LMNA: variants seen among roughly 807,000 people sequenced by gnomAD.
The protein encoded by LMNA is lamin.
A neutral mutation model predicts 70.4 loss-of-function variants in LMNA; 20 were observed. That is an observed-to-expected ratio of 0.28 (90% CI 0.20 to 0.41). The LOEUF is 0.41. LMNA is among the 10% of genes least tolerant of loss of function. The pLI is 1.00. For missense variants in LMNA, 652 were observed against 917.2 expected, an observed-to-expected ratio of 0.71 and a Z score of 3.73; for synonymous variants, 339 against 372.8, an observed-to-expected ratio of 0.91 and a Z score of 1.04.
intron 1 of LMNA, chr1:156,126,441 C>T: frequency 1.6e-6 from 1 of 622,786 alleles, no homozygotes; most frequent in Non-Finnish European, 2.9e-6. Flanking sequence ...GTGGCCGGCC[C>T]TGGCTTCCAT....
At chr1:156,129,908 G>C (rs768311447) in intron 1 of LMNA, 1 of 764,998 alleles carries the variant, frequency 1.3e-6, no homozygotes, top group South Asian at 1.4e-5. Flanking sequence ...ATGGTAGATG[G>C]GTAGGGCTCA....
At chr1:156,099,396 G>C (rs1649059433) in intron 3 of LMNA, among the ~76,000 whole-genome samples, 2 of 152,130 alleles carry the variant, frequency 1.3e-5, no homozygotes, top group Admixed American at 6.5e-5. Context: ...TAGGTCTCTA[G>C]GGTTTGAATC....
rs1426425625 is a variant in LMNA at position 156,114,945 on chromosome 1, C to T, written c.27C>T (p.Ala9=). The part of the protein sequence containing the change: METPSQRR[A]TRSGAQASST... ...TGGAGACCCCGTCCCAGCGGCGCGC[C>T]ACCCGCAGCGGGGCGCAGGCCAGCT... is the stretch of plus-strand genomic sequence containing the variant. Residue 9 remains alanine (A), a synonymous_variant, in exon 1 of 12, where the codon GCC becomes GCT. Coordinates refer to ENST00000368300, the MANE Select transcript of LMNA (RefSeq NM_170707.4). 1.3e-6 allele frequency: 2 copies of T among 1,569,046 alleles called. No homozygotes were observed. Among genetic ancestry groups the T allele is most frequent in the Non-Finnish European group, 1.7e-6 (2 of 1,156,952 alleles).
At chr1:156,102,759 G>C (rs1478651239) in intron 3 of LMNA, among the ~76,000 whole-genome samples, 1 of 152,186 alleles carries the variant, frequency 6.6e-6, no homozygotes, top group Non-Finnish European at 1.5e-5. Context: ...AGGAAAGGGG[G>C]GCCATGGGGA....
At position 156,138,697 on chromosome 1, in the gene LMNA, C is replaced by T. The variant is rs80356814; in HGVS notation, c.1908C>T (p.Ser636=). The change falls in exon 11 of 12, where the codon AGC becomes AGT. Residue 636 remains serine, a synonymous_variant. Transcript: ENST00000368300. This position sits in a 1 kb window ranked among gnomAD's most constrained non-coding sequence, Gnocchi z 5.5. ...YRSVGGSGGG[S]FGDNLVTRSY... ...GTGTGGGGGGCAGTGGGGGTGGCAG[C>T]TTCGGGGACAATCTGGTCACCCGCT... 6 of 1,613,640 alleles carry T rather than the reference C, an allele frequency of 3.7e-6. No individual in the cohort carries two copies. The African/African-American group carries it at 5.3e-5, about 14-fold the overall frequency.
intron 1 of LMNA, among the ~76,000 whole-genome samples, chr1:156,117,262 T>C (rs183762035): frequency 1.1e-3 from 158 of 150,282 alleles, no homozygotes; most frequent in Non-Finnish European, 2.0e-3. Context: ...TGAGACGGAG[T>C]CTTGCTTTGT....
chr1:156,120,725 A>G (rs1429163598), intron 1 of LMNA, among the ~76,000 whole-genome samples: 2 of 147,192 alleles, frequency 1.4e-5, no homozygotes, highest in Non-Finnish European at 2.9e-5. Context: ...AAAGAAAAAA[A>G]CAAAACAAAA....
At chr1:156,118,044 G>A (rs540667935) in intron 1 of LMNA, among the ~76,000 whole-genome samples, 25 of 142,884 alleles carry the variant, frequency 1.7e-4, no homozygotes, top group African/African-American at 3.4e-4. Flanking sequence ...AGCTGGTTCC[G>A]AAGTTTTGGC....
At chr1:156,104,392 G>A (rs757618101) in intron 3 of LMNA, among the ~76,000 whole-genome samples, 11 of 152,156 alleles carry the variant, frequency 7.2e-5, no homozygotes, top group Admixed American at 2.6e-4. Flanking sequence ...GAGCACTGGC[G>A]TCAGCCGAGG....
At position 156,131,465 on chromosome 1, in the gene LMNA, C is replaced by CTATAG. The variant is rs763071263; in HGVS notation, c.513+694_513+698dup. On this transcript the variant is annotated intron_variant, in intron 2 of 11. Coordinates refer to ENST00000368300, the MANE Select transcript of LMNA (RefSeq NM_170707.4). ...ATTAGCTGGGCATGGTGGTGTGCAC[C>CTATAG]TATAGTCCCAGCTACTTGGGAGGCT... Among the ~76,000 whole-genome samples, 94 of 152,124 alleles carry CTATAG rather than the reference C, an allele frequency of 6.2e-4. 2 individuals are homozygous for CTATAG. Among genetic ancestry groups the CTATAG allele is most frequent in the Admixed American group, 4.5e-3 (69 of 15,278 alleles).
At chr1:156,082,887 C>G (rs930962027) in intron 1 of LMNA, 2 of 152,212 alleles carry the variant, frequency 1.3e-5, no homozygotes, top group Non-Finnish European at 2.9e-5. Context: ...CTTTCTCTCT[C>G]GCTCCCCTCT....
At position 156,097,960 on chromosome 1, in the gene LMNA, T is replaced by C. The variant is rs556231366; in HGVS notation, c.-207+7378T>C. 2.6e-5 allele frequency among the ~76,000 whole-genome samples: 4 copies of C among 152,270 alleles called. No individual in the cohort carries two copies. The South Asian group carries it at 6.2e-4, about 24-fold the overall frequency. ...GTGTGCGTGTGTGCGTGCGTGTGTG[T>C]GTGTGTGTGATCATCATGTCTACAC... On this transcript the variant is annotated intron_variant, in intron 3 of 12. Coordinates refer to the LMNA transcript ENST00000368301.
chr1:156,091,913 CAAAA>C (rs960085049), intron 3 of LMNA, among the ~76,000 whole-genome samples: 12 of 150,922 alleles, frequency 8.0e-5, no homozygotes, highest in Admixed American at 6.6e-5. Context: ...CCCATCTCTA[CAAAA>C]AAAAATTTTT....
chr1:156,121,704 A>G (rs1251319613), intron 1 of LMNA, among the ~76,000 whole-genome samples: 5 of 150,426 alleles, frequency 3.3e-5, no homozygotes. Context: ...CGCCACCCCT[A>G]GCAGCTGCAG....
rs1350969159 is a variant in LMNA, at chr1:156,129,756, G to T, written c.357-861G>T. 3 of 689,178 alleles carry T rather than the reference G, an allele frequency of 4.4e-6. No homozygotes were observed. In the African/African-American group the frequency reaches 5.3e-5, roughly 12 times the overall value. 42.7% of individuals were successfully genotyped at this position (689,178 alleles called of 1,614,324 possible). A position where few individuals can be genotyped will look rare whatever the true frequency, so the allele number is the denominator to read the frequency against. On this transcript the variant is annotated intron_variant, in intron 1 of 11. Coordinates refer to ENST00000368300, the MANE Select transcript of LMNA (RefSeq NM_170707.4). ...CAAAAATAATCAGGGGCCCAGAAAA[G>T]GTGAGGGAGGTGGCAGAGGCAGCGC...
rs1279083468 is a variant in LMNA at position 156,137,145 on chromosome 1, C to T, written c.1521C>T (p.Ser507=). 2 of 1,613,154 alleles carry T rather than the reference C, an allele frequency of 1.2e-6. No homozygotes were observed. ...IWAAGAGATH[S]PPTDLVWKAQ... is the part of the protein sequence containing the mutation. ...CTGCAGGAGCTGGGGCCACCCACAG[C>T]CCCCCTACCGACCTGGTGTGGAAGG... Residue 507 remains serine, a synonymous_variant, in exon 9 of 12, where the codon AGC becomes AGT. Coordinates refer to ENST00000368300, the MANE Select transcript of LMNA (RefSeq NM_170707.4). This position sits in a 1 kb window ranked among gnomAD's most constrained non-coding sequence, Gnocchi z 4.6.
At chr1:156,130,545 C>T in intron 1 of LMNA, 72 bp from the exon 2 acceptor site, 2 of 1,535,394 alleles carry the variant, frequency 1.3e-6, no homozygotes, top group Non-Finnish European at 1.8e-6. Context: ...CATGGCTGAC[C>T]TCCTGGGAGC....
At chr1:156,089,922 C>T (rs1464390072) in intron 2 of LMNA, among the ~76,000 whole-genome samples, 2 of 151,954 alleles carry the variant, frequency 1.3e-5, no homozygotes, top group African/African-American at 2.4e-5. Context: ...GTCCAGGAGG[C>T]GGGTGATACT....
intron 1 of LMNA, among the ~76,000 whole-genome samples, chr1:156,120,081 A>G (rs1366322726): frequency 2.0e-5 from 3 of 152,276 alleles, no homozygotes; most frequent in East Asian, 1.9e-4. Flanking sequence ...CAGAAGCGCT[A>G]CTTCCACTCC....
Sources: gnomAD v4.1 joint callset for allele counts (sites outside exome capture counted in the v4.1 genomes callset) on GRCh38, gnomAD v4.1.1 for gene constraint, Gnocchi (gnomAD v3.1) non-coding constraint, MANE v1.5 for transcripts, NCBI Gene and HGNC (gene_info 2026-07-23, HGNC 2026-07-21) for gene names.